The following TNPO2 variants were observed in gnomAD, a reference collection of about 807,000 sequenced individuals.
The protein encoded by TNPO2 is transportin 2.
In TNPO2, 16 loss-of-function variants were observed where a neutral mutation model predicts 111.1. That is an observed-to-expected ratio of 0.14 (90% CI 0.10 to 0.22). The LOEUF is 0.22. Among genes scored for constraint, TNPO2 ranks in the 10% least tolerant of loss-of-function variants. The pLI is 1.00. For synonymous variants in TNPO2, 481 were observed against 475.8 expected (o/e 1.01, Z -0.14); for missense variants, 530 against 1,173.7 (o/e 0.45, Z 8.01).
At position 12,706,716 on chromosome 19, in the gene TNPO2, C is replaced by T. The variant is rs757503174; in HGVS notation, c.1350G>A (p.Leu450=). 5.0e-6 allele frequency: 8 copies of T among 1,613,810 alleles called. No individual in the cohort carries two copies. The highest frequency in any genetic ancestry group is 1.7e-5 in the Admixed American group (1 of 59,974). Residue 450 remains leucine, a synonymous_variant, in exon 14 of 26, where the codon TTG becomes TTA. Transcript: ENST00000425528. This position sits in a 1 kb window ranked among gnomAD's most constrained non-coding sequence, Gnocchi z 7.0. ...GCGTCCAGCAGGCGATGGAGCGGAC[C>T]AAGGCCTTCTTATCCGACAGGCACT... ...LIQCLSDKKA[L]VRSIACWTLS...
At chr19:12,711,502 G>C in intron 11 of TNPO2, 41 bp from the exon 12 acceptor site, 9 of 1,613,932 alleles carry the variant, frequency 5.6e-6, no homozygotes, top group Non-Finnish European at 7.6e-6. Flanking sequence ...GGGGACCACA[G>C]CCGCGACACC....
In TNPO2 at chr19:12,715,842, C is replaced by G; in HGVS notation, c.326-103G>C. Reference sequence around the variant, plus strand: ...CAGTGCTGCCTTTCTGTTCCCTAGCCCATGTACGCCCTCTACATCCCCCCT... The same window carrying G: ...CAGTGCTGCCTTTCTGTTCCCTAGCGCATGTACGCCCTCTACATCCCCCCT... On this transcript the variant is annotated intron_variant, in intron 5 of 25. Coordinates refer to ENST00000425528, the MANE Select transcript of TNPO2 (RefSeq NM_001382241.1). The surrounding 1 kb of genome is among the most constrained non-coding windows in gnomAD (Gnocchi z 7.1). The G allele has an allele frequency of 1.2e-6, 1 of 838,810 alleles. No homozygotes were observed. 52.0% of individuals were successfully genotyped at this position (838,810 alleles called of 1,614,324 possible).
chr19:12,719,048 C>T lies in TNPO2; in HGVS notation c.306G>A (p.Ser102=), dbSNP rs1045020717. The T allele has an allele frequency of 2.5e-6, 4 of 1,613,814 alleles. No homozygotes were observed. Among genetic ancestry groups the T allele is most frequent in the African/African-American group, 1.3e-5 (1 of 75,042 alleles). ...TCTCACCAATGGTGGCTCGGATGAGCGAGGAGGCATCGCCAATGTTGTTGA... is the reference window on the plus strand; with the variant it reads ...TCTCACCAATGGTGGCTCGGATGAGTGAGGAGGCATCGCCAATGTTGTTGA... ...ECLNNIGDAS[S]LIRATIGILI... The change falls in exon 5 of 26, where the codon TCG becomes TCA. Residue 102 remains serine, a synonymous_variant. Coordinates refer to ENST00000425528, the MANE Select transcript of TNPO2 (RefSeq NM_001382241.1). This position sits in a 1 kb window ranked among gnomAD's most constrained non-coding sequence, Gnocchi z 5.0.
chr19:12,707,075 C>T (rs575992459), intron 13 of TNPO2, among the ~76,000 whole-genome samples: 1 of 152,100 alleles, frequency 6.6e-6, no homozygotes, highest in African/African-American at 2.4e-5. Flanking sequence ...CATGGCTCAC[C>T]GCAACCTTCA....
chr19:12,719,021 C>T lies in TNPO2; in HGVS notation c.325+8G>A. 1.2e-6 allele frequency: 2 copies of T among 1,613,174 alleles called. No homozygotes were observed. The highest frequency in any genetic ancestry group is 1.7e-5 in the Admixed American group (1 of 60,012). On this transcript the variant is annotated splice_region_variant and intron_variant, in intron 5 of 25. Transcript: ENST00000425528. The surrounding 1 kb of genome is among the most constrained non-coding windows in gnomAD (Gnocchi z 5.0). ...TCCTCAGAGGCCAACCCCCGCTGCCCCTCTCACCAATGGTGGCTCGGATGA... is the reference window on the plus strand; with the variant it reads ...TCCTCAGAGGCCAACCCCCGCTGCCTCTCTCACCAATGGTGGCTCGGATGA...
chr19:12,707,975 C>T (rs760199422), intron 13 of TNPO2, among the ~76,000 whole-genome samples: 12 of 151,962 alleles, frequency 7.9e-5, no homozygotes, highest in Non-Finnish European at 1.6e-4. Context: ...CGTGGGCCAC[C>T]ACGTGTGGCT....
rs1197956894 is a variant in TNPO2, at chr19:12,721,263, C to A, written c.-13-273G>T. Reference sequence around the variant, plus strand: ...CCCGGCGGATCCTCATGGGACCCAGCGAAGAGCCCTCGTCCCAGGGTGGCC... The same window carrying A: ...CCCGGCGGATCCTCATGGGACCCAGAGAAGAGCCCTCGTCCCAGGGTGGCC... On this transcript the variant is annotated intron_variant, in intron 2 of 25. Transcript: ENST00000425528. This position sits in a 1 kb window ranked among gnomAD's most constrained non-coding sequence, Gnocchi z 4.9. 7.7e-7 allele frequency: 1 copy of A among 1,294,394 alleles called. No individual in the cohort carries two copies. The highest frequency in any genetic ancestry group is 9.8e-7 in the Non-Finnish European group (1 of 1,015,704). 80.2% of individuals were successfully genotyped at this position (1,294,394 alleles called of 1,614,324 possible).
In TNPO2 at chr19:12,701,575, T is replaced by C. The variant is rs373552248; in HGVS notation, c.2586+23A>G. ...ACCCCTGCCTGCTCCCGGAACTAGA[T>C]CAGGGCCCAGACAGAGCCTCACCTT... is the stretch of plus-strand genomic sequence containing the variant. On this transcript the variant is annotated intron_variant, in intron 24 of 25. Coordinates refer to ENST00000425528, the MANE Select transcript of TNPO2 (RefSeq NM_001382241.1). The surrounding 1 kb of genome is among the most constrained non-coding windows in gnomAD (Gnocchi z 5.0). 26 of 1,612,990 alleles carry C rather than the reference T, an allele frequency of 1.6e-5. No homozygotes were observed. The highest frequency in any genetic ancestry group is 4.5e-5 in the East Asian group (2 of 44,854).
rs979367479 is a variant in TNPO2, at chr19:12,702,870, T to C, written c.2258A>G (p.Glu753Gly). ...GGGTGTGTTGGGTCGGTTAATGATT[T>C]CCACCAGGTTGTTGAGGACCATCTG... ...YVQMVLNNLV[E>G]IINRPNTPKT... Residue 753 changes from glutamate (E) to glycine (G), a missense_variant, in exon 21 of 26, where the codon GAA becomes GGA. Physicochemically the swap from Glu to Gly is moderately conservative, Grantham distance 98. This residue lies in a region of TNPO2 where 183 missense variants were observed against 481.0 expected (regional missense o/e 0.38). Transcript: ENST00000425528. This position sits in a 1 kb window ranked among gnomAD's most constrained non-coding sequence, Gnocchi z 5.5. The C allele has an allele frequency of 6.2e-7, 1 of 1,613,770 alleles. No homozygotes were observed. The highest frequency in any genetic ancestry group is 8.5e-7 in the Non-Finnish European group (1 of 1,179,830).
chr19:12,719,031 A>G lies in TNPO2; in HGVS notation c.323T>C (p.Ile108Thr). ...CCAACCCCCGCTGCCCCTCTCACCA[A>G]TGGTGGCTCGGATGAGCGAGGAGGC... ...GDASSLIRAT[I>T]GILITTIASK... Residue 108 changes from isoleucine to threonine, a missense_variant and splice_region_variant, in exon 5 of 26, where the codon ATT becomes ACT. Physicochemically the swap from Ile to Thr is moderately conservative, Grantham distance 89 (BLOSUM62 -1). This residue lies in a region of TNPO2 where 156 missense variants were observed against 405.8 expected (regional missense o/e 0.38). Coordinates refer to ENST00000425528, the MANE Select transcript of TNPO2 (RefSeq NM_001382241.1). This position sits in a 1 kb window ranked among gnomAD's most constrained non-coding sequence, Gnocchi z 5.0. 1 of 1,613,468 alleles carries G rather than the reference A, an allele frequency of 6.2e-7. No individual in the cohort carries two copies. The highest frequency in any genetic ancestry group is 8.5e-7 in the Non-Finnish European group (1 of 1,179,816).
In TNPO2 at chr19:12,701,961, T is replaced by G. The variant is rs2025336816; in HGVS notation, c.2412-110A>C. On this transcript the variant is annotated intron_variant, in intron 22 of 25. Transcript: ENST00000425528. This position sits in a 1 kb window ranked among gnomAD's most constrained non-coding sequence, Gnocchi z 5.0. ...GGCCTGGGACATGCATCTGTGGGGG[T>G]GGGGCAGGGCAGGGAGTCAGTAGGC... 3 of 1,381,454 alleles carry G rather than the reference T, an allele frequency of 2.2e-6. No homozygotes were observed. Among genetic ancestry groups the G allele is most frequent in the East Asian group, 2.3e-5 (1 of 43,466 alleles). 85.6% of individuals were successfully genotyped at this position (1,381,454 alleles called of 1,614,324 possible). A position where few individuals can be genotyped will look rare whatever the true frequency, so the allele number is the denominator to read the frequency against.
rs1049588093 is a variant in TNPO2 at position 12,715,230 on chromosome 19, C to G, written c.648+13G>C. ...CAGTCCTCGCCCTGCCCACCCCCAG[C>G]CCAGCGGCCCACCTCGATGAAGGTG... On this transcript the variant is annotated intron_variant, in intron 8 of 25. Transcript: ENST00000425528. The surrounding 1 kb of genome is among the most constrained non-coding windows in gnomAD (Gnocchi z 7.1). 1.9e-6 allele frequency: 3 copies of G among 1,613,672 alleles called. No individual in the cohort carries two copies. The highest frequency in any genetic ancestry group is 2.5e-6 in the Non-Finnish European group (3 of 1,179,822).
Position 12,721,376 on chromosome 19 carries a change from GC to G in TNPO2, c.-13-387del, listed in dbSNP as rs923559656. ...GGCCCAGCCGCCTCCACATCCAGGGGCCCCGCCCCAGACCGTGATAGCGCCC... is the reference window on the plus strand; with the variant it reads ...GGCCCAGCCGCCTCCACATCCAGGGGCCCGCCCCAGACCGTGATAGCGCCC... On this transcript the variant is annotated intron_variant, in intron 2 of 25. Coordinates refer to ENST00000425528, the MANE Select transcript of TNPO2 (RefSeq NM_001382241.1). The surrounding 1 kb of genome is among the most constrained non-coding windows in gnomAD (Gnocchi z 4.9). 3 of 1,144,244 alleles carry G rather than the reference GC, an allele frequency of 2.6e-6. No individual in the cohort carries two copies. The highest frequency in any genetic ancestry group is 6.0e-5 in the East Asian group (1 of 16,574). The allele number at this position is 1,144,244 out of a possible 1,614,324, so 70.9% of individuals were successfully genotyped here.
Position 12,701,317 on chromosome 19 carries a change from T to C in TNPO2, c.*20+9A>G. 2 of 1,572,594 alleles carry C rather than the reference T, an allele frequency of 1.3e-6. No individual in the cohort carries two copies. The highest frequency in any genetic ancestry group is 2.3e-5 in the East Asian group (1 of 44,434). ...GACAGTGCTGACTTGCCAGCTGCAG[T>C]CTCCTTACCTGGCAGTCTCCATGAT... is the stretch of plus-strand genomic sequence containing the variant. On this transcript the variant is annotated intron_variant, in intron 25 of 25. Transcript: ENST00000425528. This position sits in a 1 kb window ranked among gnomAD's most constrained non-coding sequence, Gnocchi z 5.0.
rs758962042 is a variant in TNPO2, at chr19:12,706,121, C to CA, written c.1668+74dup. The CA allele has an allele frequency of 4.5e-5, 70 of 1,539,128 alleles. 2 individuals carry two copies. The South Asian group carries it at 8.3e-4, about 18-fold the overall frequency. On this transcript the variant is annotated intron_variant, in intron 15 of 25. Transcript: ENST00000425528. The surrounding 1 kb of genome is among the most constrained non-coding windows in gnomAD (Gnocchi z 7.0). ...TCACGGCCACGTCCCTGGCGTGCAA[C>CA]ACGGGGTTGCCACCAGGTCACTGGA... is the stretch of plus-strand genomic sequence containing the variant.
rs200768460 is a variant in TNPO2 at position 12,701,830 on chromosome 19, G to T, written c.2433C>A (p.Ile811=). Residue 811 remains isoleucine (I), a synonymous_variant, in exon 23 of 26, where the codon ATC becomes ATA. Coordinates refer to ENST00000425528, the MANE Select transcript of TNPO2 (RefSeq NM_001382241.1). This position sits in a 1 kb window ranked among gnomAD's most constrained non-coding sequence, Gnocchi z 5.0. The part of the protein sequence containing the change: ...IRPWCTSLRN[I]RDNEEKDSAF... ...CTGAGTCCTTCTCCTCGTTGTCCCT[G>T]ATGTTCCTGAGGGACGTGCACCTGT... 274 of 1,613,306 alleles carry T rather than the reference G, an allele frequency of 1.7e-4. No homozygotes were observed. In the African/African-American group the frequency reaches 2.8e-3, roughly 16 times the overall value.
Position 12,719,102 on chromosome 19 carries a change from A to G in TNPO2, c.252T>C (p.Pro84=), listed in dbSNP as rs776668019. ...VKAHYQSFPP[P]VADFIKQECL... is the part of the protein sequence containing the mutation. ...ACTCCTGTTTGATGAAGTCTGCCAC[A>G]GGGGGTGGGAAGCTCTGATAGTGTG... The change falls in exon 5 of 26, where the codon CCT becomes CCC. Residue 84 remains proline, a synonymous_variant. Transcript: ENST00000425528. This position sits in a 1 kb window ranked among gnomAD's most constrained non-coding sequence, Gnocchi z 5.0. 5.6e-6 allele frequency: 9 copies of G among 1,613,856 alleles called. No homozygotes were observed. Among genetic ancestry groups the G allele is most frequent in the Non-Finnish European group, 7.6e-6 (9 of 1,179,898 alleles).
Position 12,701,030 on chromosome 19 carries a change from C to A in TNPO2, c.*234G>T. On this transcript the variant is annotated 3_prime_UTR_variant, in exon 26 of 26. Coordinates refer to ENST00000425528, the MANE Select transcript of TNPO2 (RefSeq NM_001382241.1). The surrounding 1 kb of genome is among the most constrained non-coding windows in gnomAD (Gnocchi z 5.0). ...CCAGGGGCCCTTGCCCACCAGAAGT[C>A]CCCCCCACCTCCCCGTTTGTAGGAT... The A allele has an allele frequency of 3.3e-6, 1 of 307,110 alleles. No individual in the cohort carries two copies. The highest frequency in any genetic ancestry group is 6.1e-6 in the Non-Finnish European group (1 of 163,958). 19.0% of individuals were successfully genotyped at this position (307,110 alleles called of 1,614,324 possible).
rs901264773 is a variant in TNPO2, at chr19:12,700,295, A to G, written c.*969T>C. 6.6e-6 allele frequency: 1 copy of G among 152,092 alleles called. No individual in the cohort carries two copies. The highest frequency in any genetic ancestry group is 1.5e-5 in the Non-Finnish European group (1 of 68,058). 9.4% of individuals were successfully genotyped at this position (152,092 alleles called of 1,614,324 possible). ...CTGAAACGTGAGAAGGGGGTTTCAG[A>G]AGCACAGAGAAACGGACTGCCCCTG... is the stretch of plus-strand genomic sequence containing the variant. On this transcript the variant is annotated 3_prime_UTR_variant, in exon 26 of 26. Transcript: ENST00000425528.
Sources: gnomAD v4.1 joint callset for allele counts (sites outside exome capture counted in the v4.1 genomes callset) on GRCh38, gnomAD v4.1.1 for gene constraint, gnomAD v4.1.1 regional missense constraint, Gnocchi (gnomAD v3.1) non-coding constraint, MANE v1.5 for transcripts, NCBI Gene and HGNC (gene_info 2026-07-23, HGNC 2026-07-21) for gene names.